The following FAM13A variants were observed in gnomAD, a reference collection of about 807,000 sequenced individuals.
The protein encoded by FAM13A is protein FAM13A.
Under a neutral mutation model 129.6 loss-of-function variants are expected in FAM13A, and 76 were observed. The ratio of observed to expected loss-of-function variants is 0.59; its 90% CI spans 0.49 to 0.71. The LOEUF (loss-of-function observed/expected upper bound fraction) is 0.71. Among genes scored for constraint, FAM13A ranks in the 30% least tolerant of loss-of-function variants. FAM13A has a pLI of 0.00. For missense variants in FAM13A, 1,108 were observed against 1,249.3 expected (o/e 0.89, Z 1.70); for synonymous variants, 443 against 449.9 (o/e 0.98, Z 0.20).
intron 7 of FAM13A, among the ~76,000 whole-genome samples, chr4:88,850,105 T>A (rs1343998731): frequency 6.6e-6 from 1 of 152,152 alleles, no homozygotes; most frequent in East Asian, 1.9e-4. Flanking sequence ...TTCTTTCAAC[T>A]TCCTGGAGTA....
chr4:89,036,335 T>C (rs1312888426), intron 1 of FAM13A, among the ~76,000 whole-genome samples: 1 of 152,112 alleles, frequency 6.6e-6, no homozygotes, highest in Non-Finnish European at 1.5e-5. Context: ...GTGTGAAACT[T>C]TGAACTTAAG....
intron 6 of FAM13A, among the ~76,000 whole-genome samples, chr4:88,896,022 A>G (rs1394065079): frequency 1.4e-5 from 2 of 147,440 alleles, no homozygotes; most frequent in Admixed American, 6.8e-5. Context: ...AACCAACCCA[A>G]ATGTCCAACA....
At chr4:88,961,346 C>CTTTTTT (rs1560548919) in intron 4 of FAM13A, among the ~76,000 whole-genome samples, 2 of 89,326 alleles carry the variant, frequency 2.2e-5, no homozygotes, top group Admixed American at 1.3e-4. Context: ...GTGGAATTTG[C>CTTTTTT]CTTTTTTTTT....
intron 2 of FAM13A, among the ~76,000 whole-genome samples, chr4:89,023,830 A>G (rs1159195225): frequency 1.3e-5 from 2 of 151,206 alleles, no homozygotes; most frequent in Admixed American, 1.3e-4. Flanking sequence ...TTATGAGGCT[A>G]GAATATAGCC....
At chr4:88,982,774 A>C (rs1447863587) in intron 4 of FAM13A, among the ~76,000 whole-genome samples, 1 of 152,246 alleles carries the variant, frequency 6.6e-6, no homozygotes, top group Non-Finnish European at 1.5e-5. Flanking sequence ...TATAGCTCAC[A>C]GTCCAAGGTT....
chr4:88,800,858 G>A (rs1012913178), intron 8 of FAM13A, among the ~76,000 whole-genome samples: 1 of 152,022 alleles, frequency 6.6e-6, no homozygotes, highest in African/African-American at 2.4e-5. Flanking sequence ...TTGCTTGTTT[G>A]TTCCACTTCT....
intron 1 of FAM13A, among the ~76,000 whole-genome samples, chr4:89,033,136 A>ACACTCT (rs1553927666): frequency 1.3e-4 from 19 of 149,972 alleles, no homozygotes; most frequent in Non-Finnish European, 1.5e-4. Flanking sequence ...ACACACACAC[A>ACACTCT]CTCTCTCTCT....
chr4:88,831,327 T>C (rs1733855061), intron 7 of FAM13A, among the ~76,000 whole-genome samples: 1 of 152,232 alleles, frequency 6.6e-6, no homozygotes, highest in Admixed American at 6.5e-5. Flanking sequence ...AATTGTCCCC[T>C]TGAACTTTCA....
intron 4 of FAM13A, among the ~76,000 whole-genome samples, chr4:88,946,576 C>T (rs997901777): frequency 6.6e-6 from 1 of 151,968 alleles, no homozygotes; most frequent in Non-Finnish European, 1.5e-5. Context: ...GGAATCTGTG[C>T]AGTTGCTGAC....
At chr4:88,846,364 G>A (rs1736643898) in intron 7 of FAM13A, among the ~76,000 whole-genome samples, 1 of 152,188 alleles carries the variant, frequency 6.6e-6, no homozygotes, top group Admixed American at 6.5e-5. Flanking sequence ...TGACAGTACA[G>A]TAAGCTACAA....
In FAM13A at chr4:88,762,652, T is replaced by C. The variant is rs185839463; in HGVS notation, c.1579-3751A>G. 3.7e-4 allele frequency among the ~76,000 whole-genome samples: 57 copies of C among 152,256 alleles called. 2 individuals are homozygous for C. In the South Asian group the frequency reaches 8.3e-3, roughly 22 times the overall value. On this transcript the variant is annotated intron_variant, in intron 13 of 23. Coordinates refer to ENST00000264344, the MANE Select transcript of FAM13A (RefSeq NM_014883.4). ...CCATGGTGAAGTTCTTTAGGCTCCA[T>C]AAACACTAGCATAAAAACTGCTGTG... is the stretch of plus-strand genomic sequence containing the variant.
chr4:88,923,905 A>T (rs1452575759), intron 5 of FAM13A, among the ~76,000 whole-genome samples: 1 of 152,216 alleles, frequency 6.6e-6, no homozygotes. Flanking sequence ...CTTATACACC[A>T]GTAACAGACA....
chr4:88,792,020 G>C (rs1019472772), intron 8 of FAM13A, among the ~76,000 whole-genome samples: 1 of 152,022 alleles, frequency 6.6e-6, no homozygotes, highest in African/African-American at 2.4e-5. Context: ...GAAAAACCAC[G>C]TAAAATCATG....
chr4:88,857,803 T>C (rs1262056685), intron 6 of FAM13A, among the ~76,000 whole-genome samples: 1 of 152,150 alleles, frequency 6.6e-6, no homozygotes, highest in African/African-American at 2.4e-5. Context: ...CAGAAATGTT[T>C]GTGGGTTTTG....
chr4:88,741,631 T>C (rs1740278826), intron 19 of FAM13A, among the ~76,000 whole-genome samples: 1 of 152,188 alleles, frequency 6.6e-6, no homozygotes, highest in African/African-American at 2.4e-5. Context: ...CTTTTCTGCA[T>C]TTATGTTATA....
chr4:88,924,002 T>C (rs1751643574), intron 5 of FAM13A, among the ~76,000 whole-genome samples: 1 of 152,158 alleles, frequency 6.6e-6, no homozygotes, highest in Non-Finnish European at 1.5e-5. Context: ...ACAAAGGACG[T>C]GAAGGACCTC....
rs149846247 is a variant in FAM13A, at chr4:88,739,263, A to ATT, written c.2467-140_2467-139dup. The stretch of plus-strand genomic sequence containing the variant: ...AAGTCTTACTACCCTCACAGAATTT[A>ATT]TTTAAACTGATAATATTATTTATTC... On this transcript the variant is annotated intron_variant, in intron 19 of 23. Transcript: ENST00000264344. The ATT allele has an allele frequency of 4.9e-3, 3,103 of 632,182 alleles. 65 individuals are homozygous for ATT. The highest frequency in any genetic ancestry group is 0.047 in the African/African-American group (2,535 of 54,248). The allele number at this position is 632,182 out of a possible 1,614,324, so 39.2% of individuals were successfully genotyped here.
chr4:88,845,843 T>C (rs1300018431), intron 7 of FAM13A, among the ~76,000 whole-genome samples: 2 of 152,198 alleles, frequency 1.3e-5, no homozygotes, highest in African/African-American at 4.8e-5. Context: ...AAGAAAGTAC[T>C]TTTAGAATAG....
chr4:88,973,345 G>A (rs1457415425), intron 4 of FAM13A, among the ~76,000 whole-genome samples: 1 of 151,852 alleles, frequency 6.6e-6, no homozygotes, highest in Admixed American at 6.6e-5. Context: ...ATGTTTTTCA[G>A]TATTTTTTCT....
Sources: allele counts gnomAD v4.1 joint callset (sites outside exome capture counted in the v4.1 genomes callset), GRCh38; gene constraint gnomAD v4.1.1; transcripts MANE v1.5; gene names NCBI Gene and HGNC (gene_info 2026-07-23, HGNC 2026-07-21).